AGMO: variants seen among roughly 807,000 people sequenced by gnomAD.
The protein encoded by AGMO is alkylglycerol monooxygenase.
A neutral mutation model predicts 60.2 loss-of-function variants in AGMO; 75 were observed. The observed-to-expected ratio is 1.25, with a 90% CI of 1.03 to 1.51. AGMO has a LOEUF of 1.51. Among genes scored for constraint, AGMO ranks in the 40% most tolerant of loss-of-function variants. AGMO has a pLI of 0.00. For synonymous variants in AGMO, 261 were observed against 177.1 expected (o/e 1.47, Z -3.76); for missense variants, 763 against 525.5 (o/e 1.45, Z -4.42).
the AGMO span, among the ~76,000 whole-genome samples, chr7:15,174,398 T>C: frequency 2.6e-5 from 4 of 152,134 alleles, no homozygotes; most frequent in African/African-American, 9.6e-5. Context: ...TATATTACTT[T>C]TGTAATTTTT....
chr7:15,551,272 C>T lies in AGMO; in HGVS notation c.258-6349G>A, dbSNP rs568754163. On this transcript the variant is annotated intron_variant, in intron 2 of 12. Coordinates refer to ENST00000342526, the MANE Select transcript of AGMO (RefSeq NM_001004320.2). ...AAAACTGGCATAAGATAGGGATGCC[C>T]TCTCTCACCACTCCTATTCAACATA... Among the ~76,000 whole-genome samples, 914 of 152,102 alleles carry T rather than the reference C, an allele frequency of 6.0e-3. 8 individuals are homozygous for T. The highest frequency in any genetic ancestry group is 0.02 in the African/African-American group (849 of 41,490).
the AGMO span, among the ~76,000 whole-genome samples, chr7:15,129,213 G>T: frequency 6.7e-6 from 1 of 148,400 alleles, no homozygotes; most frequent in African/African-American, 2.4e-5. Context: ...AGTTGCTGCA[G>T]AAGTTGTTGC....
intron 12 of AGMO, among the ~76,000 whole-genome samples, chr7:15,301,260 GA>G (rs1168758896): frequency 6.6e-6 from 1 of 152,078 alleles, no homozygotes; most frequent in Non-Finnish European, 1.5e-5. Flanking sequence ...CCAACATGCT[GA>G]AACTCCCTCT....
chr7:15,533,123 G>T (rs532240279), intron 3 of AGMO, among the ~76,000 whole-genome samples: 2 of 152,130 alleles, frequency 1.3e-5, no homozygotes, highest in East Asian at 1.9e-4. Context: ...TCAGTTTTTG[G>T]TTTTTATACA....
chr7:15,249,889 T>G (rs1782881907), intron 12 of AGMO, among the ~76,000 whole-genome samples: 1 of 152,190 alleles, frequency 6.6e-6, no homozygotes, highest in Non-Finnish European at 1.5e-5. Flanking sequence ...GCTTGAGAAC[T>G]TTAGGTTTAT....
the AGMO span, among the ~76,000 whole-genome samples, chr7:15,142,752 A>G: frequency 6.6e-6 from 1 of 152,182 alleles, no homozygotes; most frequent in African/African-American, 2.4e-5. Context: ...TTAGTGAAGT[A>G]AGGGAGAATA....
In AGMO at chr7:15,365,617, G is replaced by A. The variant is rs758748490; in HGVS notation, c.1160C>T (p.Pro387Leu). ...TSIGFLLDQR[P>L]KAAIMETLRC... Reference sequence around the variant, plus strand: ...GAGAGTTTCCATAATAGCTGCCTTGGGTCTGAAATAAAATGTCATTAACAT... The same window carrying A: ...GAGAGTTTCCATAATAGCTGCCTTGAGTCTGAAATAAAATGTCATTAACAT... Residue 387 changes from proline (P) to leucine (L), a missense_variant and splice_region_variant, in exon 12 of 13, where the codon CCC (proline) becomes CTC (leucine). Coordinates refer to ENST00000342526, the MANE Select transcript of AGMO (RefSeq NM_001004320.2). 2 of 1,609,010 alleles carry A rather than the reference G, an allele frequency of 1.2e-6. No individual in the cohort carries two copies. Among genetic ancestry groups the A allele is most frequent in the East Asian group, 2.2e-5 (1 of 44,796 alleles).
intron 2 of AGMO, among the ~76,000 whole-genome samples, chr7:15,558,847 A>T (rs1398389861): frequency 6.6e-6 from 1 of 152,212 alleles, no homozygotes; most frequent in East Asian, 1.9e-4. Flanking sequence ...TTTTTTAAAA[A>T]TCCACCTTAG....
intron 12 of AGMO, among the ~76,000 whole-genome samples, chr7:15,233,676 G>A (rs947445651): frequency 1.3e-5 from 2 of 152,030 alleles, no homozygotes; most frequent in South Asian, 2.1e-4. Context: ...AGCGATTAAA[G>A]CCCACATAAC....
intron 4 of AGMO, among the ~76,000 whole-genome samples, chr7:15,419,655 C>A (rs1780872399): frequency 6.7e-6 from 1 of 150,002 alleles, no homozygotes; most frequent in Non-Finnish European, 1.5e-5. Flanking sequence ...AAAATTTCAA[C>A]TGTCATCATA....
At chr7:15,471,585 C>A (rs1782451148) in intron 3 of AGMO, among the ~76,000 whole-genome samples, 1 of 151,890 alleles carries the variant, frequency 6.6e-6, no homozygotes, top group Admixed American at 6.6e-5. Context: ...GATTACCTTA[C>A]AATAAAGCAG....
chr7:15,319,009 T>C (rs1262103482), intron 12 of AGMO, among the ~76,000 whole-genome samples: 3 of 152,172 alleles, frequency 2.0e-5, no homozygotes, highest in Non-Finnish European at 4.4e-5. Flanking sequence ...CCTCCTTCTT[T>C]ATTCTAAAGT....
intron 3 of AGMO, among the ~76,000 whole-genome samples, chr7:15,485,157 A>AAG (rs983648725): frequency 4.0e-5 from 6 of 150,874 alleles, no homozygotes; most frequent in African/African-American, 1.5e-4. Context: ...AAAAAAAAAA[A>AAG]AAAGAAAAAC....
chr7:15,375,922 G>A (rs1317276310), intron 10 of AGMO, among the ~76,000 whole-genome samples: 1 of 152,126 alleles, frequency 6.6e-6, no homozygotes, highest in Non-Finnish European at 1.5e-5. Flanking sequence ...ATAGTGATAT[G>A]AAGATATATT....
At position 15,521,307 on chromosome 7, in the gene AGMO, G is replaced by A. The variant is rs571211687; in HGVS notation, c.409+23465C>T. Among the ~76,000 whole-genome samples the A allele has an allele frequency of 1.7e-4, 26 of 152,034 alleles. No individual in the cohort carries two copies. In the South Asian group the frequency reaches 2.3e-3, roughly 13 times the overall value. On this transcript the variant is annotated intron_variant, in intron 3 of 12. Coordinates refer to ENST00000342526, the MANE Select transcript of AGMO (RefSeq NM_001004320.2). ...GTACCATTCCTTCTAAAACTATTCC[G>A]AGCAACAGAAAAAGAAGGAATCCTC...
intron 12 of AGMO, among the ~76,000 whole-genome samples, chr7:15,352,992 G>C (rs929192535): frequency 6.6e-6 from 1 of 152,060 alleles, no homozygotes; most frequent in Admixed American, 6.6e-5. Flanking sequence ...GGATGCGCAG[G>C]TCATAAATCA....
At chr7:15,322,078 G>C (rs970134272) in intron 12 of AGMO, among the ~76,000 whole-genome samples, 2 of 151,866 alleles carry the variant, frequency 1.3e-5, no homozygotes, top group Non-Finnish European at 2.9e-5. Flanking sequence ...GTCTGAGGTA[G>C]CAGAATTGCT....
chr7:15,478,887 C>A (rs1782669125), intron 3 of AGMO, among the ~76,000 whole-genome samples: 1 of 151,992 alleles, frequency 6.6e-6, no homozygotes, highest in Non-Finnish European at 1.5e-5. Context: ...TTAGCTTTAT[C>A]CTAAATTTAG....
intron 3 of AGMO, among the ~76,000 whole-genome samples, chr7:15,504,547 G>A (rs1228207831): frequency 1.3e-5 from 2 of 151,980 alleles, no homozygotes; most frequent in Non-Finnish European, 1.5e-5. Context: ...ACTCACTGTC[G>A]CTCAACTGAT....
Sources: gnomAD v4.1 joint callset for allele counts (sites outside exome capture counted in the v4.1 genomes callset) on GRCh38, gnomAD v4.1.1 for gene constraint, MANE v1.5 for transcripts, NCBI Gene and HGNC (gene_info 2026-07-23, HGNC 2026-07-21) for gene names.